The following SEPTIN3 variants were observed in gnomAD, a reference collection of about 807,000 sequenced individuals.
The protein encoded by SEPTIN3 is septin 3, also known as neuronal-specific septin-3.
Under a neutral mutation model 45.1 loss-of-function variants are expected in SEPTIN3, and 15 were observed. That is an observed-to-expected ratio of 0.33 (90% CI 0.22 to 0.51). The LOEUF is 0.51. SEPTIN3 is among the 20% of genes least tolerant of loss of function. The pLI, the probability that SEPTIN3 is intolerant of heterozygous loss-of-function variation, is 0.97. For synonymous variants in SEPTIN3, 148 were observed against 164.8 expected, an observed-to-expected ratio of 0.90 and a Z score of 0.78; for missense variants, 289 against 457.2, an observed-to-expected ratio of 0.63 and a Z score of 3.35.
Position 41,994,977 on chromosome 22 carries a change from C to T in SEPTIN3, c.2505+263C>T, listed in dbSNP as rs931510038. 12 of 1,369,596 alleles carry T rather than the reference C, an allele frequency of 8.8e-6. No homozygotes were observed. In the African/African-American group the frequency reaches 1.5e-4, roughly 17 times the overall value. 84.8% of individuals were successfully genotyped at this position (1,369,596 alleles called of 1,614,324 possible). On this transcript the variant is annotated intron_variant, in intron 11 of 11. Transcript: ENST00000644076. The surrounding 1 kb of genome is among the most constrained non-coding windows in gnomAD (Gnocchi z 4.2). ...TGTGCATGCAGGGGTGAGGTATTTT[C>T]ACTGCCCTCCCTGGAGAGTCCCTTG...
intron 2 of SEPTIN3, among the ~76,000 whole-genome samples, chr22:41,978,487 T>G (rs576920208): frequency 1.7e-4 from 26 of 152,226 alleles, no homozygotes; most frequent in Admixed American, 1.4e-3. Flanking sequence ...CTCATAAGGG[T>G]CACCCAGCCA....
At chr22:41,979,782 G>T (rs958276766) in intron 2 of SEPTIN3, among the ~76,000 whole-genome samples, 1 of 152,202 alleles carries the variant, frequency 6.6e-6, no homozygotes, top group Non-Finnish European at 1.5e-5. Context: ...TACCAGTACC[G>T]GTGGAAGGAC....
chr22:41,977,029 G>T, intron 2 of SEPTIN3: 1 of 1,591,192 alleles, frequency 6.3e-7, no homozygotes. Flanking sequence ...CGCGCCCGGA[G>T]CATCTCCCTG....
At chr22:41,991,228 T>C (rs182023403) in intron 7 of SEPTIN3, among the ~76,000 whole-genome samples, 5 of 152,244 alleles carry the variant, frequency 3.3e-5, no homozygotes, top group Admixed American at 3.3e-4. Context: ...ATCAGGAATA[T>C]AACATGCAGG....
At chr22:41,975,567 G>A (rs1028426936) in intron 2 of SEPTIN3, among the ~76,000 whole-genome samples, 1 of 152,062 alleles carries the variant, frequency 6.6e-6, no homozygotes, top group Non-Finnish European at 1.5e-5. Flanking sequence ...GATGTCTCCC[G>A]GGCATGTCCA....
Position 41,976,870 on chromosome 22 carries a change from T to C in SEPTIN3, c.1504+3874T>C, listed in dbSNP as rs2078032436. 1.2e-5 allele frequency: 2 copies of C among 162,364 alleles called. No individual in the cohort carries two copies. The highest frequency in any genetic ancestry group is 2.5e-5 in the Non-Finnish European group (2 of 81,620). The allele number at this position is 162,364 out of a possible 1,614,324, so 10.1% of individuals were successfully genotyped here. A position where few individuals can be genotyped will look rare whatever the true frequency, so the allele number is the denominator to read the frequency against. On this transcript the variant is annotated intron_variant, in intron 2 of 11. Transcript: ENST00000644076. This position sits in a 1 kb window ranked among gnomAD's most constrained non-coding sequence, Gnocchi z 5.8. ...CGGCGCCGAGCGAGCCGAGGCGAGG[T>C]CCCGGGGAGGGCGCGGCGGCGCGGG...
intron 11 of SEPTIN3, chr22:41,996,125 C>G (rs1041784950): frequency 1.0e-6 from 1 of 984,966 alleles, no homozygotes; most frequent in African/African-American, 1.7e-5. Context: ...CTCTACTTTT[C>G]CCTAATTCCC....
At position 41,998,166 on chromosome 22, in the gene SEPTIN3, T is replaced by C. The variant is rs1241326749; in HGVS notation, c.*1199T>C. 6.5e-6 allele frequency: 1 copy of C among 152,690 alleles called. No homozygotes were observed. Among genetic ancestry groups the C allele is most frequent in the Non-Finnish European group, 1.5e-5 (1 of 68,042 alleles). The allele number at this position is 152,690 out of a possible 1,614,324, so 9.5% of individuals were successfully genotyped here. ...CAAACAGACACTCAAACTGGTCCTG[T>C]AATTGTTGCTAGACTTTATGTGTTG... On this transcript the variant is annotated 3_prime_UTR_variant, in exon 12 of 12. Transcript: ENST00000644076.
chr22:41,987,323 C>A, intron 5 of SEPTIN3, 36 bp downstream of exon 5: 1 of 1,548,066 alleles, frequency 6.5e-7, no homozygotes, highest in Non-Finnish European at 8.9e-7. Context: ...GCCCTAAAGA[C>A]TCTGCTGGGA....
chr22:41,988,369 A>G (rs1019531812), intron 6 of SEPTIN3, among the ~76,000 whole-genome samples: 1 of 152,172 alleles, frequency 6.6e-6, no homozygotes, highest in African/African-American at 2.4e-5. Context: ...TGCTGGGAAC[A>G]GGCAGAGGAT....
At chr22:41,974,141 CAAA>C (rs35615355) in intron 2 of SEPTIN3, among the ~76,000 whole-genome samples, 5 of 126,072 alleles carry the variant, frequency 4.0e-5, no homozygotes, top group Admixed American at 7.9e-5. Context: ...GACCCTGTCT[CAAA>C]AAAAAAAAAA....
intron 9 of SEPTIN3, among the ~76,000 whole-genome samples, chr22:41,993,087 G>T (rs1046876252): frequency 1.3e-5 from 2 of 152,202 alleles, no homozygotes; most frequent in Non-Finnish European, 2.9e-5. Flanking sequence ...CCGGAGGGTT[G>T]TTCAGGTGTT....
At chr22:41,977,710 G>T (rs2078052923) in intron 2 of SEPTIN3, among the ~76,000 whole-genome samples, 1 of 151,660 alleles carries the variant, frequency 6.6e-6, no homozygotes, top group South Asian at 2.1e-4. Flanking sequence ...GAAGAGGGGG[G>T]GCCTGCACTA....
intron 2 of SEPTIN3, among the ~76,000 whole-genome samples, chr22:41,978,893 T>A (rs960228885): frequency 8.3e-6 from 1 of 120,394 alleles, no homozygotes. Context: ...GGCTGAATGC[T>A]GGAGGAGGAG....
rs2078123922 is a variant in SEPTIN3, at chr22:41,981,718, C to T, written c.1578C>T (p.Pro526=). The part of the protein sequence containing the change: ...VPEPRPKPAV[P]MKPMSINSNL... ...AGCCCAGGCCTAAGCCAGCGGTGCC[C>T]ATGAAGCCCATGAGCATCAACTCCA... The change falls in exon 3 of 12, where the codon CCC becomes CCT. Residue 526 remains proline (P), a synonymous_variant. Transcript: ENST00000644076. The T allele has an allele frequency of 2.5e-6, 4 of 1,614,054 alleles. No homozygotes were observed. Among genetic ancestry groups the T allele is most frequent in the Non-Finnish European group, 2.5e-6 (3 of 1,179,988 alleles).
rs13053833 is a variant in SEPTIN3 at position 41,976,377 on chromosome 22, C to G, written c.1504+3381C>G. 3 of 152,312 alleles carry G rather than the reference C, an allele frequency of 2.0e-5. No individual in the cohort carries two copies. The highest frequency in any genetic ancestry group is 2.9e-5 in the Non-Finnish European group (2 of 68,108). The allele number at this position is 152,312 out of a possible 1,614,324, so 9.4% of individuals were successfully genotyped here. ...ATGCGTGAAATTTTTTTCTAATGGG[C>G]AAACTGAGGCTCAGAGAAGTTCCTG... On this transcript the variant is annotated intron_variant, in intron 2 of 11. Transcript: ENST00000644076. This position sits in a 1 kb window ranked among gnomAD's most constrained non-coding sequence, Gnocchi z 5.8.
chr22:41,975,566 C>G (rs563800171), intron 2 of SEPTIN3, among the ~76,000 whole-genome samples: 1 of 152,276 alleles, frequency 6.6e-6, no homozygotes, highest in African/African-American at 2.4e-5. Context: ...GGATGTCTCC[C>G]GGGCATGTCC....
rs1465580541 is a variant in SEPTIN3, at chr22:41,978,930, G to GGAGGAA, written c.1505-2714_1505-2713insAGGAAG. 4.6e-5 allele frequency among the ~76,000 whole-genome samples: 7 copies of GGAGGAA among 150,596 alleles called. No individual in the cohort carries two copies. The South Asian group carries it at 1.5e-3, about 32-fold the overall frequency. ...AGGAGGAGGAGGAGGAGGAGGAGGA[G>GGAGGAA]GGAGCCAGGGGTTGGAGGGGGAACA... is the stretch of plus-strand genomic sequence containing the variant. On this transcript the variant is annotated intron_variant, in intron 2 of 11. Coordinates refer to ENST00000644076, the MANE Select transcript of SEPTIN3 (RefSeq NM_001363845.2).
At chr22:41,977,621 G>C (rs2078050757) in intron 2 of SEPTIN3, among the ~76,000 whole-genome samples, 1 of 151,636 alleles carries the variant, frequency 6.6e-6, no homozygotes, top group South Asian at 2.1e-4. Context: ...ACTGGGGTGG[G>C]CTGGAATTGC....
Sources: allele counts gnomAD v4.1 joint callset (sites outside exome capture counted in the v4.1 genomes callset), GRCh38; gene constraint gnomAD v4.1.1; non-coding constraint Gnocchi (gnomAD v3.1); transcripts MANE v1.5; gene names NCBI Gene and HGNC (gene_info 2026-07-23, HGNC 2026-07-21).